CGNL1: variants seen among roughly 807,000 people sequenced by gnomAD.
The protein encoded by CGNL1 is cingulin-like protein 1.
Under a neutral mutation model 141.2 loss-of-function variants are expected in CGNL1, and 132 were observed. That is an observed-to-expected ratio of 0.93 (90% CI 0.81 to 1.08). The LOEUF (loss-of-function observed/expected upper bound fraction) is 1.08. CGNL1 is among the 50% of genes least tolerant of loss of function. CGNL1 has a pLI of 0.00. For synonymous variants in CGNL1, 690 were observed against 622.1 expected (o/e 1.11, Z -1.63); for missense variants, 1,870 against 1,588.6 (o/e 1.18, Z -3.01).
intron 13 of CGNL1, among the ~76,000 whole-genome samples, chr15:57,530,686 G>T (rs187068701): frequency 1.3e-5 from 2 of 152,290 alleles, no homozygotes; most frequent in East Asian, 3.9e-4. Flanking sequence ...GAGATGCTTG[G>T]CTCCTGGGTG....
At chr15:57,489,915 G>A (rs992639644) in intron 8 of CGNL1, among the ~76,000 whole-genome samples, 5 of 152,136 alleles carry the variant, frequency 3.3e-5, no homozygotes, top group Non-Finnish European at 5.9e-5. Flanking sequence ...GAGATTGTGA[G>A]GAAAATTAAG....
chr15:57,418,085 G>A (rs960146960), intron 1 of CGNL1, among the ~76,000 whole-genome samples: 6 of 152,148 alleles, frequency 3.9e-5, no homozygotes, highest in Non-Finnish European at 5.9e-5. Context: ...GGCGGGTTAA[G>A]GGGGAAGCAT....
intron 1 of CGNL1, among the ~76,000 whole-genome samples, chr15:57,411,546 C>T (rs2062787559): frequency 6.6e-6 from 1 of 151,600 alleles, no homozygotes; most frequent in African/African-American, 2.4e-5. Flanking sequence ...CAGGTTCAAG[C>T]AATTCTCATG....
intron 1 of CGNL1, among the ~76,000 whole-genome samples, chr15:57,379,019 A>G (rs1265655922): frequency 2.0e-5 from 3 of 151,870 alleles, no homozygotes; most frequent in African/African-American, 7.3e-5. Flanking sequence ...GAGCAAGACT[A>G]TATGGAAAGT....
chr15:57,387,746 G>A (rs2062499567), intron 1 of CGNL1, among the ~76,000 whole-genome samples: 1 of 152,368 alleles, frequency 6.6e-6, no homozygotes, highest in African/African-American at 2.4e-5. Context: ...TTCTTGGGAA[G>A]TGTTTACATT....
chr15:57,468,234 C>CTTTTTTTTTTTTTTTTTTTTTTTTTT (rs57360097), intron 8 of CGNL1, among the ~76,000 whole-genome samples: 2 of 85,916 alleles, frequency 2.3e-5, no homozygotes, highest in African/African-American at 1.0e-4. Context: ...TTTTCTTTTT[C>CTTTTTTTTTTTTTTTTTTTTTTTTTT]TTTTTTTTTT....
intron 17 of CGNL1, 124 bp from the exon 18 acceptor site, chr15:57,545,952 G>A (rs1309981425): frequency 2.7e-5 from 30 of 1,099,920 alleles, no homozygotes; most frequent in Non-Finnish European, 3.9e-6. Flanking sequence ...TGTTTCCCAA[G>A]AGACTGGCTG....
At chr15:57,497,930 GACATTCTCTGT>G (rs1396682938) in intron 8 of CGNL1, among the ~76,000 whole-genome samples, 7 of 152,204 alleles carry the variant, frequency 4.6e-5, no homozygotes, top group African/African-American at 1.7e-4. Context: ...GAGTGTGAAA[GACATTCTCTGT>G]ACACTTGAGG....
chr15:57,529,059 A>G (rs1192913933), intron 13 of CGNL1: 1 of 396,420 alleles, frequency 2.5e-6, no homozygotes, highest in Non-Finnish European at 4.5e-6. Flanking sequence ...TTGTCTTGAG[A>G]GGAAATGGAA....
rs111731977 is a variant in CGNL1 at position 57,517,095 on chromosome 15, A to C, written c.2610+109A>C. ...ATTTATTGTCATGATGTAGTAGGAA[A>C]GGTCAAGGCAATAGTGAATACATCC... On this transcript the variant is annotated intron_variant, in intron 9 of 18. Transcript: ENST00000281282. 18 of 1,067,678 alleles carry C rather than the reference A, an allele frequency of 1.7e-5. No homozygotes were observed. The African/African-American group carries it at 1.7e-4, about 10-fold the overall frequency. The allele number at this position is 1,067,678 out of a possible 1,614,324, so 66.1% of individuals were successfully genotyped here. A position where few individuals can be genotyped will look rare whatever the true frequency, so the allele number is the denominator to read the frequency against.
chr15:57,517,928 G>A (rs1337090586), intron 9 of CGNL1, among the ~76,000 whole-genome samples: 3 of 65,030 alleles, frequency 4.6e-5, no homozygotes, highest in Admixed American at 1.5e-4. Flanking sequence ...TTATAAAACT[G>A]TGTGTGTGGG....
At chr15:57,404,233 G>A (rs1457575707) in intron 1 of CGNL1, among the ~76,000 whole-genome samples, 2 of 152,142 alleles carry the variant, frequency 1.3e-5, no homozygotes, top group Admixed American at 6.6e-5. Flanking sequence ...AGCTTAGAAC[G>A]GCCCAGCTTT....
intron 8 of CGNL1, among the ~76,000 whole-genome samples, chr15:57,474,730 T>G (rs1400351504): frequency 3.3e-5 from 5 of 152,228 alleles, no homozygotes; most frequent in Non-Finnish European, 4.4e-5. Flanking sequence ...CATATGTGCT[T>G]GTGCACATAT....
rs990272142 is a variant in CGNL1, at chr15:57,550,050, C to T, written c.*2560C>T. The T allele has an allele frequency of 9.2e-5, 14 of 152,198 alleles. No individual in the cohort carries two copies. The highest frequency in any genetic ancestry group is 3.4e-4 in the African/African-American group (14 of 41,426). 9.4% of individuals were successfully genotyped at this position (152,198 alleles called of 1,614,324 possible). A position where few individuals can be genotyped will look rare whatever the true frequency, so the allele number is the denominator to read the frequency against. ...TTTCCAGTAGCCATGGGGCTGGCTA[C>T]AAGAAGCAAAACTGCCCATGCAAAG... On this transcript the variant is annotated 3_prime_UTR_variant, in exon 19 of 19. Coordinates refer to ENST00000281282, the MANE Select transcript of CGNL1 (RefSeq NM_032866.5).
chr15:57,482,126 T>A (rs142966934), intron 8 of CGNL1, among the ~76,000 whole-genome samples: 4 of 150,714 alleles, frequency 2.7e-5, no homozygotes, highest in Admixed American at 6.6e-5. Flanking sequence ...GTTTTTTTTT[T>A]AAACTGTTGA....
chr15:57,385,132 G>C (rs1199273322), intron 1 of CGNL1, among the ~76,000 whole-genome samples: 2 of 152,174 alleles, frequency 1.3e-5, no homozygotes, highest in Non-Finnish European at 2.9e-5. Flanking sequence ...TGTCATCAGG[G>C]TCTGCAGAAT....
intron 1 of CGNL1, among the ~76,000 whole-genome samples, chr15:57,387,158 G>A (rs995437767): frequency 9.2e-5 from 14 of 152,150 alleles, no homozygotes; most frequent in Non-Finnish European, 1.9e-4. Context: ...GAACTGCCTA[G>A]TCTAGATATT....
Position 57,461,884 on chromosome 15 carries a change from G to A in CGNL1, c.2395G>A (p.Ala799Thr), listed in dbSNP as rs780923495. ...GGCCCTGAGGGAGAGTGTGGAAGAA[G>A]CAACCAAGGTGAGGGATGGGGCAGG... The part of the protein sequence containing the change: ...LQALRESVEE[A>T]TKNVEVLASR... Residue 799 changes from alanine (A) to threonine (T), a missense_variant, in exon 8 of 19, where the codon GCA becomes ACA. Ala to Thr is a moderately conservative substitution (Grantham distance 58). Transcript: ENST00000281282. 1.2e-6 allele frequency: 2 copies of A among 1,613,534 alleles called. No homozygotes were observed. Among genetic ancestry groups the A allele is most frequent in the African/African-American group, 2.7e-5 (2 of 74,890 alleles).
chr15:57,509,248 G>T (rs999374755), intron 8 of CGNL1, among the ~76,000 whole-genome samples: 2 of 152,174 alleles, frequency 1.3e-5, no homozygotes, highest in Admixed American at 6.5e-5. Flanking sequence ...GGAGCGTGGG[G>T]GTGGCCAGCG....
Sources: allele counts gnomAD v4.1 joint callset (sites outside exome capture counted in the v4.1 genomes callset), GRCh38; gene constraint gnomAD v4.1.1; transcripts MANE v1.5; gene names NCBI Gene and HGNC (gene_info 2026-07-23, HGNC 2026-07-21).